ACSL3: variants seen among roughly 807,000 people sequenced by gnomAD.
The protein encoded by ACSL3 is acyl-CoA synthetase long chain family member 3.
In ACSL3, 34 loss-of-function variants were observed where a neutral mutation model predicts 84.7. The observed-to-expected ratio is 0.40, with a 90% CI of 0.31 to 0.53. ACSL3 has a LOEUF of 0.53. Among genes scored for constraint, ACSL3 ranks in the 20% least tolerant of loss-of-function variants. The probability of loss-of-function intolerance (pLI) is 0.48; values close to 1 mark genes in which losing one functional copy is unlikely to be tolerated. For missense variants in ACSL3, 680 were observed against 873.1 expected, an observed-to-expected ratio of 0.78 and a Z score of 2.79; for synonymous variants, 315 against 299.4, an observed-to-expected ratio of 1.05 and a Z score of -0.54.
intron 11 of ACSL3, 69 bp downstream of exon 11, chr2:222,924,664 C>G: frequency 7.4e-7 from 1 of 1,350,128 alleles, no homozygotes; most frequent in Non-Finnish European, 1.0e-6. Flanking sequence ...ACATTAATAG[C>G]CCAATTAATT....
At chr2:222,928,745 A>T in intron 12 of ACSL3, 117 bp from the exon 13 acceptor site, 1 of 873,392 alleles carries the variant, frequency 1.1e-6, no homozygotes, top group Non-Finnish European at 1.8e-6. Flanking sequence ...TCTGCTTTTA[A>T]GGAATAGCTG....
chr2:222,933,417 C>A, intron 15 of ACSL3, 137 bp downstream of exon 15: 1 of 578,844 alleles, frequency 1.7e-6, no homozygotes, highest in Non-Finnish European at 3.0e-6. Context: ...GCCTCCTTCT[C>A]ATTGCAGCCA....
At chr2:222,900,151 A>T (rs1696100268) in intron 2 of ACSL3, among the ~76,000 whole-genome samples, 1 of 152,224 alleles carries the variant, frequency 6.6e-6, no homozygotes, top group Non-Finnish European at 1.5e-5. Context: ...TACTTTACTT[A>T]ATTTATCTAG....
At chr2:222,910,128 A>G (rs147300988) in intron 4 of ACSL3, among the ~76,000 whole-genome samples, 4 of 152,186 alleles carry the variant, frequency 2.6e-5, no homozygotes, top group Non-Finnish European at 4.4e-5. Flanking sequence ...TTAGATTACT[A>G]TTATCTTGAG....
intron 5 of ACSL3, 184 bp from the exon 6 acceptor site, chr2:222,917,862 A>T (rs910810515): frequency 1.0e-5 from 4 of 385,426 alleles, no homozygotes; most frequent in Non-Finnish European, 1.8e-5. Context: ...CATTTAGGGG[A>T]GGATGAGTAG....
intron 4 of ACSL3, chr2:222,909,466 C>G: frequency 4.1e-6 from 1 of 245,696 alleles, no homozygotes; most frequent in Non-Finnish European, 7.7e-6. Context: ...GGAAATGGCT[C>G]CAGGTTTTGG....
chr2:222,927,217 A>G (rs1574562474), intron 12 of ACSL3, 28 bp downstream of exon 12: 2 of 1,601,004 alleles, frequency 1.2e-6, no homozygotes, highest in African/African-American at 2.7e-5. Context: ...CAGAGGCTGG[A>G]GTGTGATGCC....
intron 8 of ACSL3, 58 bp downstream of exon 8, chr2:222,921,488 G>A: frequency 6.9e-7 from 1 of 1,452,160 alleles, no homozygotes; most frequent in Non-Finnish European, 9.3e-7. Flanking sequence ...TATAATGTTA[G>A]CATTTGTGTC....
intron 16 of ACSL3, among the ~76,000 whole-genome samples, chr2:222,940,493 T>TA (rs905559459): frequency 4.7e-5 from 7 of 150,214 alleles, no homozygotes; most frequent in Non-Finnish European, 8.9e-5. Flanking sequence ...TTTTTTTTTT[T>TA]AACCTAACAA....
At chr2:222,864,654 CG>C (rs1433231374) in intron 1 of ACSL3, among the ~76,000 whole-genome samples, 1 of 152,024 alleles carries the variant, frequency 6.6e-6, no homozygotes, top group Admixed American at 6.6e-5. Flanking sequence ...GTGAGGAAAA[CG>C]GAGACAGAAA....
rs60362808 is a variant in ACSL3 at position 222,916,299 on chromosome 2, A to AT, written c.379-11dup. ...TTATTATTTTGATTACATTAAAAAA[A>AT]TTTTTTTTTGTTTTATCAGGTTATT... is the stretch of plus-strand genomic sequence containing the variant. On this transcript the variant is annotated intron_variant, in intron 4 of 16. Transcript: ENST00000357430. The AT allele has an allele frequency of 2.8e-6, 4 of 1,432,814 alleles. No individual in the cohort carries two copies. The highest frequency in any genetic ancestry group is 1.7e-5 in the South Asian group (1 of 58,816). 88.8% of individuals were successfully genotyped at this position (1,432,814 alleles called of 1,614,324 possible).
At position 222,906,995 on chromosome 2, in the gene ACSL3, A is replaced by G. The variant is rs532970535; in HGVS notation, c.-40-1738A>G. ...ATATAGTCGGTCTTAGAAATTGCTA[A>G]GGGGCTCTGTGTTCTTACAGCCTGC... On this transcript the variant is annotated intron_variant, in intron 3 of 16. Coordinates refer to ENST00000357430, the MANE Select transcript of ACSL3 (RefSeq NM_004457.5). Among the ~76,000 whole-genome samples, 172 of 152,310 alleles carry G rather than the reference A, an allele frequency of 1.1e-3. 1 individual carries two copies. The highest frequency in any genetic ancestry group is 3.8e-3 in the African/African-American group (160 of 41,564).
At chr2:222,888,025 A>G (rs947209335) in intron 2 of ACSL3, 137 bp downstream of exon 2, 2 of 152,182 alleles carry the variant, frequency 1.3e-5, no homozygotes, top group African/African-American at 4.8e-5. Context: ...AGATAGTTTT[A>G]TATTTACTTT....
intron 1 of ACSL3, among the ~76,000 whole-genome samples, chr2:222,865,999 T>C (rs1038551491): frequency 3.9e-5 from 6 of 152,238 alleles, no homozygotes; most frequent in African/African-American, 1.4e-4. Flanking sequence ...ATGCAGAAAG[T>C]AACTGAACTT....
chr2:222,867,497 A>G (rs186342833), intron 1 of ACSL3, among the ~76,000 whole-genome samples: 1 of 152,292 alleles, frequency 6.6e-6, no homozygotes, highest in East Asian at 1.9e-4. Flanking sequence ...CTTAAACTTT[A>G]TATAGATGGT....
At position 222,900,014 on chromosome 2, in the gene ACSL3, T is replaced by C. The variant is rs367846282; in HGVS notation, c.-147-660T>C. Among the ~76,000 whole-genome samples the C allele has an allele frequency of 4.5e-4, 68 of 151,894 alleles. 1 individual carries two copies. The highest frequency in any genetic ancestry group is 6.8e-3 in the Middle Eastern group (2 of 294). ...TTCCTAGCCCTCACCAAAGACGGAGTCGCTCTGGTTCAAACGCCTCTGACA... is the reference window on the plus strand; with the variant it reads ...TTCCTAGCCCTCACCAAAGACGGAGCCGCTCTGGTTCAAACGCCTCTGACA... On this transcript the variant is annotated intron_variant, in intron 2 of 16. Transcript: ENST00000357430.
rs1574536255 is a variant in ACSL3, at chr2:222,897,782, C to T, written c.-147-2892C>T. The stretch of plus-strand genomic sequence containing the variant: ...CAAAAAAAAACGAAAACCAGTCAGG[C>T]GTGGTGACGCGCGCCTGCAATCGCA... On this transcript the variant is annotated intron_variant, in intron 2 of 16. Coordinates refer to ENST00000357430, the MANE Select transcript of ACSL3 (RefSeq NM_004457.5). 4.9e-5 allele frequency among the ~76,000 whole-genome samples: 2 copies of T among 40,858 alleles called. 1 individual carries two copies. Among genetic ancestry groups the T allele is most frequent in the Non-Finnish European group, 7.8e-5 (2 of 25,796 alleles). The allele number at this position is 40,858 out of a possible 152,430, so 26.8% of individuals were successfully genotyped here. A position where few individuals can be genotyped will look rare whatever the true frequency, so the allele number is the denominator to read the frequency against.
intron 2 of ACSL3, among the ~76,000 whole-genome samples, chr2:222,894,331 T>G (rs928499838): frequency 6.6e-6 from 1 of 152,228 alleles, no homozygotes; most frequent in Non-Finnish European, 1.5e-5. Flanking sequence ...ATCTTCCTTG[T>G]GCTTGATCAT....
rs75543457 is a variant in ACSL3 at position 222,865,663 on chromosome 2, G to A, written c.-207+4405G>A. Among the ~76,000 whole-genome samples the A allele has an allele frequency of 9.0e-3, 1,373 of 152,334 alleles. 20 individuals are homozygous for A. Among genetic ancestry groups the A allele is most frequent in the African/African-American group, 0.031 (1,293 of 41,570 alleles). On this transcript the variant is annotated intron_variant, in intron 1 of 16. Coordinates refer to ENST00000357430, the MANE Select transcript of ACSL3 (RefSeq NM_004457.5). ...AGAGAAAAAGTGCAGAGCAGGCACA[G>A]AGTAGGGAAGGAAAAGGGGAGACTT...
Sources: gnomAD v4.1 joint callset for allele counts (sites outside exome capture counted in the v4.1 genomes callset) on GRCh38, gnomAD v4.1.1 for gene constraint, MANE v1.5 for transcripts, NCBI Gene and HGNC (gene_info 2026-07-23, HGNC 2026-07-21) for gene names.